TBCD: variants seen among roughly 807,000 people sequenced by gnomAD.
The protein encoded by TBCD is tubulin folding cofactor D.
TBCD carries 105 observed loss-of-function variants against 169.3 expected under a neutral mutation model. The observed-to-expected ratio is 0.62, with a 90% CI of 0.53 to 0.73. The LOEUF (loss-of-function observed/expected upper bound fraction) is 0.73. Ranked by LOEUF, TBCD falls within the 30% of genes least tolerant of loss-of-function variation. The probability of loss-of-function intolerance (pLI) is 0.00; values close to 1 mark genes in which losing one functional copy is unlikely to be tolerated. For missense variants in TBCD, 1,444 were observed against 1,600.1 expected, an observed-to-expected ratio of 0.90 and a Z score of 1.66; for synonymous variants, 700 against 643.9, an observed-to-expected ratio of 1.09 and a Z score of -1.32.
chr17:82,776,131 A>T (rs539293667), intron 6 of TBCD, among the ~76,000 whole-genome samples: 1 of 152,158 alleles, frequency 6.6e-6, no homozygotes, highest in African/African-American at 2.4e-5. Context: ...AGGCAGGACA[A>T]TCGCTTGAGC....
At position 82,930,550 on chromosome 17, in the gene TBCD, A is replaced by C. The variant is rs141474186; in HGVS notation, c.3020A>C (p.Glu1007Ala). The C allele has an allele frequency of 1.1e-4, 172 of 1,613,630 alleles. 4 individuals carry two copies. The East Asian group carries it at 3.3e-3, about 31-fold the overall frequency. ...CGGCACTCCACCCAGAGCCTCTTTG[A>C]GTACATGAAGGGCATTCAGAGCGAC... is the stretch of plus-strand genomic sequence containing the variant. ...TIRHSTQSLF[E>A]YMKGIQSDPQ... Residue 1007 changes from glutamate (E) to alanine (A), a missense_variant, in exon 33 of 39, where the codon GAG becomes GCG. Coordinates refer to ENST00000355528, the MANE Select transcript of TBCD (RefSeq NM_005993.5). This position sits in a 1 kb window ranked among gnomAD's most constrained non-coding sequence, Gnocchi z 5.2.
chr17:82,903,460 G>A lies in TBCD; in HGVS notation c.1786G>A (p.Glu596Lys), dbSNP rs764929196. The A allele has an allele frequency of 6.2e-5, 99 of 1,598,304 alleles. No individual in the cohort carries two copies. Among genetic ancestry groups the A allele is most frequent in the Middle Eastern group, 1.6e-4 (1 of 6,064 alleles). The part of the protein sequence containing the change: ...ALHNLAQQAP[E>K]FSATQVFPRL... ...GCACAACCTGGCCCAGCAGGCACCC[G>A]AGTTCAGCGCCACGCAAGGTGGGTG... is the stretch of plus-strand genomic sequence containing the variant. Residue 596 changes from glutamate to lysine, a missense_variant, in exon 19 of 39, where the codon GAG (glutamate) becomes AAG (lysine). By Grantham distance (56) the Glu-to-Lys change is moderately conservative. Transcript: ENST00000355528. The surrounding 1 kb of genome is among the most constrained non-coding windows in gnomAD (Gnocchi z 4.8).
chr17:82,763,735 T>A (rs2047888385), intron 2 of TBCD, among the ~76,000 whole-genome samples: 1 of 151,872 alleles, frequency 6.6e-6, no homozygotes, highest in Non-Finnish European at 1.5e-5. Flanking sequence ...AGCAAGACTC[T>A]GTCTCAAAAA....
rs529066935 is a variant in TBCD at position 82,858,916 on chromosome 17, G to T, written c.1319-11308G>T. 2.6e-5 allele frequency among the ~76,000 whole-genome samples: 4 copies of T among 152,318 alleles called. 1 individual carries two copies. Among genetic ancestry groups the T allele is most frequent in the African/African-American group, 9.6e-5 (4 of 41,570 alleles). On this transcript the variant is annotated intron_variant, in intron 13 of 38. Transcript: ENST00000355528. ...AACTGCTGTCAGTGGCGCTTCCTGCGGGGGGATGAGTGCGGCTCTCAGCGC... is the reference window on the plus strand; with the variant it reads ...AACTGCTGTCAGTGGCGCTTCCTGCTGGGGGATGAGTGCGGCTCTCAGCGC...
In TBCD at chr17:82,890,651, G is replaced by A. The variant is rs774395939; in HGVS notation, c.1563+954G>A. On this transcript the variant is annotated intron_variant, in intron 16 of 38. Coordinates refer to ENST00000355528, the MANE Select transcript of TBCD (RefSeq NM_005993.5). This position sits in a 1 kb window ranked among gnomAD's most constrained non-coding sequence, Gnocchi z 5.3. ...GCGTGAGTGGTGTGGGCGGCTTTCT[G>A]TAGACGGAGCCCAGGAAGGGGCGTG... is the stretch of plus-strand genomic sequence containing the variant. 9.9e-5 allele frequency among the ~76,000 whole-genome samples: 15 copies of A among 152,202 alleles called. No individual in the cohort carries two copies. Among genetic ancestry groups the A allele is most frequent in the Non-Finnish European group, 1.8e-4 (12 of 68,038 alleles).
At chr17:82,758,405 A>AAAAAAAAAAT (rs2047553345) in intron 2 of TBCD, among the ~76,000 whole-genome samples, 1 of 136,490 alleles carries the variant, frequency 7.3e-6, no homozygotes, top group Non-Finnish European at 1.6e-5. Flanking sequence ...AAAAAAAAAT[A>AAAAAAAAAAT]AATAAATAAA....
intron 8 of TBCD, among the ~76,000 whole-genome samples, chr17:82,800,635 C>T (rs2144668818): frequency 6.6e-6 from 1 of 152,250 alleles, no homozygotes; most frequent in East Asian, 1.9e-4. Flanking sequence ...GGCTCCCTGC[C>T]CTCTGAGTAC....
intron 30 of TBCD, among the ~76,000 whole-genome samples, 190 bp downstream of exon 30, chr17:82,928,178 G>T (rs758848534): frequency 1.3e-5 from 2 of 152,164 alleles, no homozygotes; most frequent in Non-Finnish European, 2.9e-5. Flanking sequence ...TAGCCATGGC[G>T]TGAGCTGGGG....
At chr17:82,844,206 C>CGTGTGTGTGTGTGTGTGT (rs769300875) in intron 13 of TBCD, among the ~76,000 whole-genome samples, 13,462 of 127,340 alleles carry the variant, frequency 0.11, 1,097 homozygotes, top group Admixed American at 0.14. Context: ...GGATGTTCTC[C>CGTGTGTGTGTGTGTGTGT]GTGTGTGTGT....
intron 7 of TBCD, among the ~76,000 whole-genome samples, chr17:82,791,757 C>T (rs573861883): frequency 2.0e-5 from 3 of 152,332 alleles, no homozygotes; most frequent in Non-Finnish European, 2.9e-5. Flanking sequence ...AGTCATGCGT[C>T]CCCTAACAAT....
chr17:82,770,599 CA>C (rs1351025159), intron 5 of TBCD, among the ~76,000 whole-genome samples: 2,153 of 90,254 alleles, frequency 0.024, 33 homozygotes, highest in African/African-American at 0.065. Flanking sequence ...AACTCCGTCT[CA>C]AAAAAAAAAA....
chr17:82,792,483 TG>T (rs1448973011), intron 7 of TBCD, among the ~76,000 whole-genome samples: 165 of 152,356 alleles, frequency 1.1e-3, no homozygotes, highest in African/African-American at 3.9e-3. Context: ...TGCGATACAC[TG>T]TCATGAACAG....
At chr17:82,918,020 T>TA (rs2061173685) in intron 23 of TBCD, among the ~76,000 whole-genome samples, 1 of 152,262 alleles carries the variant, frequency 6.6e-6, no homozygotes. Context: ...TGTTAGTTTT[T>TA]AAAAAATATT....
chr17:82,913,671 G>A (rs529825179), intron 23 of TBCD: 1 of 152,482 alleles, frequency 6.6e-6, no homozygotes, highest in Admixed American at 6.5e-5. Context: ...TCCGTGAAGC[G>A]GGGCCCATTG....
At chr17:82,844,553 C>G (rs776226008) in intron 13 of TBCD, among the ~76,000 whole-genome samples, 67 of 152,028 alleles carry the variant, frequency 4.4e-4, no homozygotes, top group Non-Finnish European at 8.7e-4. Flanking sequence ...TGAGTTGCCT[C>G]CCTCCAGGGG....
intron 12 of TBCD, among the ~76,000 whole-genome samples, chr17:82,812,249 G>T (rs1430722991): frequency 2.0e-5 from 3 of 152,154 alleles, no homozygotes; most frequent in Non-Finnish European, 4.4e-5. Context: ...CTGCTGACTT[G>T]CCCGAGGGCA....
chr17:82,935,927 C>T (rs1029636705), intron 34 of TBCD, among the ~76,000 whole-genome samples: 1 of 152,230 alleles, frequency 6.6e-6, no homozygotes, highest in African/African-American at 2.4e-5. Flanking sequence ...TGAAGCTTTC[C>T]CATTTTATGT....
chr17:82,755,089 G>T (rs2047333313), intron 1 of TBCD, among the ~76,000 whole-genome samples: 1 of 152,240 alleles, frequency 6.6e-6, no homozygotes, highest in Non-Finnish European at 1.5e-5. Context: ...TCTCGTCAGG[G>T]AAGGCGGGAC....
intron 7 of TBCD, among the ~76,000 whole-genome samples, chr17:82,797,459 TA>T (rs2050181493): frequency 1.3e-5 from 2 of 152,200 alleles, no homozygotes; most frequent in African/African-American, 4.8e-5. Context: ...GCCCTGAACT[TA>T]AACCTGGGCA....
Sources: gnomAD v4.1 joint callset for allele counts (sites outside exome capture counted in the v4.1 genomes callset) on GRCh38, gnomAD v4.1.1 for gene constraint, Gnocchi (gnomAD v3.1) non-coding constraint, MANE v1.5 for transcripts, NCBI Gene and HGNC (gene_info 2026-07-23, HGNC 2026-07-21) for gene names.